Variants in RGMA observed in about 807,000 individuals in gnomAD.
RGMA encodes the protein repulsive guidance molecule A.
Under a neutral mutation model 23.2 loss-of-function variants are expected in RGMA, and 10 were observed. That is an observed-to-expected ratio of 0.43 (90% CI 0.27 to 0.73). The LOEUF (loss-of-function observed/expected upper bound fraction) is 0.73, where lower values mean the gene tolerates loss of function less well. RGMA is among the 30% of genes least tolerant of loss of function. The pLI is 0.20. For synonymous variants in RGMA, 308 were observed against 279.3 expected, an observed-to-expected ratio of 1.10 and a Z score of -1.03; for missense variants, 547 against 630.5, an observed-to-expected ratio of 0.87 and a Z score of 1.42.
chr15:93,071,603 G>C (rs1469162081), intron 2 of RGMA, among the ~76,000 whole-genome samples: 5 of 152,226 alleles, frequency 3.3e-5, no homozygotes, highest in African/African-American at 1.2e-4. Context: ...GCCAGGAGCA[G>C]GGCTGGGACT....
chr15:93,051,920 C>T, intron 3 of RGMA, 73 bp downstream of exon 3: 2 of 1,453,586 alleles, frequency 1.4e-6, no homozygotes, highest in Middle Eastern at 2.3e-4. Context: ...GAGGCCCTCT[C>T]AGCCTCTCAG....
chr15:93,055,625 C>A (rs8036631), intron 2 of RGMA, among the ~76,000 whole-genome samples: 37,001 of 152,056 alleles, frequency 0.24, 4,829 homozygotes, highest in Middle Eastern at 0.42. Context: ...TTCCCTCCCC[C>A]ACGGGTGGGC....
At chr15:93,048,532 C>T (rs1285325417) in intron 3 of RGMA, among the ~76,000 whole-genome samples, 3 of 152,240 alleles carry the variant, frequency 2.0e-5, no homozygotes, top group Non-Finnish European at 4.4e-5. Context: ...GACTCGATTT[C>T]CTCGCATCCC....
intron 1 of RGMA, among the ~76,000 whole-genome samples, chr15:93,087,413 C>T (rs1275403866): frequency 2.5e-5 from 3 of 120,490 alleles, no homozygotes; most frequent in African/African-American, 9.4e-5. Flanking sequence ...GTAAAGGGGG[C>T]TTGCTTGTCA....
intron 2 of RGMA, chr15:93,066,610 T>TGGGGACTGCCGTCACCACCGCCGCCGC (rs1296411243): frequency 2.0e-5 from 9 of 452,828 alleles, no homozygotes; most frequent in African/African-American, 1.0e-4. Flanking sequence ...ATCGTCGCCG[T>TGGGGACTGCCGTCACCACCGCCGCCGC]GGGGACTGCC....
At chr15:93,086,519 T>C (rs1386985782) in intron 1 of RGMA, among the ~76,000 whole-genome samples, 2 of 152,074 alleles carry the variant, frequency 1.3e-5, no homozygotes, top group Admixed American at 1.3e-4. Context: ...GTAGCAAGGT[T>C]GTAGGGGGAA....
intron 2 of RGMA, among the ~76,000 whole-genome samples, chr15:93,054,937 CT>C (rs1176957429): frequency 1.5e-5 from 2 of 136,036 alleles, no homozygotes; most frequent in Non-Finnish European, 1.8e-5. Flanking sequence ...CTGCCGCCCC[CT>C]GATAAAGCCG....
chr15:93,087,474 A>AAAC (rs1555451815), intron 1 of RGMA, among the ~76,000 whole-genome samples: 1 of 150,320 alleles, frequency 6.7e-6, no homozygotes, highest in Non-Finnish European at 1.5e-5. Context: ...CAAAAAAAAA[A>AAAC]AAAAAAAAAA....
In RGMA at chr15:93,041,400, G is replaced by T. The variant is rs1209053550; in HGVS notation, c.*3598C>A. 1 of 152,234 alleles carries T rather than the reference G, an allele frequency of 6.6e-6. No homozygotes were observed. The highest frequency in any genetic ancestry group is 1.9e-4 in the East Asian group (1 of 5,192). The allele number at this position is 152,234 out of a possible 1,614,324, so 9.4% of individuals were successfully genotyped here. ...AACCTAGCCCGTCCTGCAAGATGAAGCTGCTTCTTGGGAATCTTTTAGCTC... is the reference window on the plus strand; with the variant it reads ...AACCTAGCCCGTCCTGCAAGATGAATCTGCTTCTTGGGAATCTTTTAGCTC... On this transcript the variant is annotated 3_prime_UTR_variant, in exon 4 of 4. Transcript: ENST00000329082.
chr15:93,057,323 T>C (rs2055030226), intron 2 of RGMA, among the ~76,000 whole-genome samples: 1 of 152,134 alleles, frequency 6.6e-6, no homozygotes, highest in Non-Finnish European at 1.5e-5. Context: ...GGTAATTAGG[T>C]TCAGATGAGG....
chr15:93,069,413 G>C (rs1433418598), intron 2 of RGMA, among the ~76,000 whole-genome samples: 2 of 152,210 alleles, frequency 1.3e-5, no homozygotes, highest in Admixed American at 6.5e-5. Context: ...CCTGGCCGAT[G>C]CATTTTTGAA....
In RGMA at chr15:93,043,653, C is replaced by CG. The variant is rs1171887897; in HGVS notation, c.*1344dup. 1 of 151,956 alleles carries CG rather than the reference C, an allele frequency of 6.6e-6. No homozygotes were observed. The highest frequency in any genetic ancestry group is 1.5e-5 in the Non-Finnish European group (1 of 67,984). The allele number at this position is 151,956 out of a possible 1,614,324, so 9.4% of individuals were successfully genotyped here. A position where few individuals can be genotyped will look rare whatever the true frequency, so the allele number is the denominator to read the frequency against. On this transcript the variant is annotated 3_prime_UTR_variant, in exon 4 of 4. Coordinates refer to ENST00000329082, the MANE Select transcript of RGMA (RefSeq NM_020211.3). Reference sequence around the variant, plus strand: ...GCCGGGCCCCGAGCGCCCTCCCACCCGCCCACACACGGTTCTGGCAGAGGG... The same window carrying CG: ...GCCGGGCCCCGAGCGCCCTCCCACCCGGCCCACACACGGTTCTGGCAGAGGG...
At chr15:93,064,493 C>T (rs951442718) in intron 2 of RGMA, among the ~76,000 whole-genome samples, 1 of 152,226 alleles carries the variant, frequency 6.6e-6, no homozygotes, top group African/African-American at 2.4e-5. Flanking sequence ...TGCCGGCAGG[C>T]AGGCCTTCCT....
intron 2 of RGMA, chr15:93,066,621 G>A (rs1009428647): frequency 8.9e-6 from 4 of 447,812 alleles, no homozygotes; most frequent in African/African-American, 2.0e-5. Context: ...GGGGACTGCC[G>A]TCACCACCGC....
At position 93,036,016 on chromosome 15, in the gene RGMA, G is replaced by C. The variant is rs770730701; in HGVS notation, c.*8982C>G. ...CCCCTTCCCTGATGGGCTGGTCACC[G>C]TGAAGGGCCCCCTCCCCACACTGCA... On this transcript the variant is annotated 3_prime_UTR_variant, in exon 4 of 4. Transcript: ENST00000329082. 2.0e-5 allele frequency: 3 copies of C among 152,322 alleles called. No individual in the cohort carries two copies. Among genetic ancestry groups the C allele is most frequent in the Non-Finnish European group, 1.5e-5 (1 of 68,044 alleles). The allele number at this position is 152,322 out of a possible 1,614,324, so 9.4% of individuals were successfully genotyped here.
rs2054742874 is a variant in RGMA at position 93,042,902 on chromosome 15, TAGC to T, written c.*2093_*2095del. 6.6e-6 allele frequency: 1 copy of T among 152,258 alleles called. No individual in the cohort carries two copies. The highest frequency in any genetic ancestry group is 2.4e-5 in the African/African-American group (1 of 41,442). 9.4% of individuals were successfully genotyped at this position (152,258 alleles called of 1,614,324 possible). On this transcript the variant is annotated 3_prime_UTR_variant, in exon 4 of 4. Transcript: ENST00000329082. ...CCCAACAGCTGGGGCTCCAGGCTGA[TAGC>T]AGTGGCTGAGAGGGAGTCATCCCAG...
Position 93,051,973 on chromosome 15 carries a change from A to G in RGMA, c.645+20T>C. ...GACAAAGGGCAGGGCTGTGCCCTAC[A>G]GCCGCCCCCTCCCCCTTACCTTGCT... On this transcript the variant is annotated intron_variant, in intron 3 of 3. Transcript: ENST00000329082. 1 of 1,571,326 alleles carries G rather than the reference A, an allele frequency of 6.4e-7. No homozygotes were observed. Among genetic ancestry groups the G allele is most frequent in the Non-Finnish European group, 8.6e-7 (1 of 1,161,210 alleles).
At chr15:93,080,167 G>A (rs532669040) in intron 1 of RGMA, among the ~76,000 whole-genome samples, 166 of 152,138 alleles carry the variant, frequency 1.1e-3, no homozygotes, top group Non-Finnish European at 2.2e-3. Context: ...ATATTGCCAA[G>A]TATTGGATTT....
intron 1 of RGMA, among the ~76,000 whole-genome samples, chr15:93,082,895 T>G (rs1022678340): frequency 1.1e-4 from 16 of 152,246 alleles, no homozygotes; most frequent in Admixed American, 1.0e-3. Flanking sequence ...GGTAAACCTA[T>G]CCACAGTATC....
Sources: gnomAD v4.1 joint callset for allele counts (sites outside exome capture counted in the v4.1 genomes callset) on GRCh38, gnomAD v4.1.1 for gene constraint, MANE v1.5 for transcripts, NCBI Gene and HGNC (gene_info 2026-07-23, HGNC 2026-07-21) for gene names.